Variants in KIFAP3 observed in about 807,000 individuals in gnomAD.
The protein encoded by KIFAP3 is kinesin-associated protein 3.
In KIFAP3, 68 loss-of-function variants were observed where a neutral mutation model predicts 106.5. That is an observed-to-expected ratio of 0.64 (90% confidence interval 0.53 to 0.78). The LOEUF (loss-of-function observed/expected upper bound fraction) is 0.78. KIFAP3 is among the 30% of genes least tolerant of loss of function. The pLI, the probability that KIFAP3 is intolerant of heterozygous loss-of-function variation, is 0.00. For missense variants in KIFAP3, 780 were observed against 941.8 expected (o/e 0.83, Z 2.25); for synonymous variants, 320 against 311.5 (o/e 1.03, Z -0.29).
At chr1:170,077,063 T>C (rs1409625599), upstream of KIFAP3, among the ~76,000 whole-genome samples, 2 of 152,150 alleles carry the variant, frequency 1.3e-5, no homozygotes, top group Admixed American at 6.6e-5. Flanking sequence ...ATCAGCACTC[T>C]GTACAAACGC....
At chr1:169,992,110 T>C in intron 11 of KIFAP3, 45 bp downstream of exon 11, 3 of 912,288 alleles carry the variant, frequency 3.3e-6, no homozygotes, top group Non-Finnish European at 4.7e-6. Context: ...GTAAAAAATA[T>C]ATATATTTGT....
At chr1:169,977,443 G>A (rs1666279495) in intron 16 of KIFAP3, among the ~76,000 whole-genome samples, 1 of 152,142 alleles carries the variant, frequency 6.6e-6, no homozygotes, top group African/African-American at 2.4e-5. Context: ...TACAAGGTAG[G>A]AGGTCTTTTT....
intron 1 of KIFAP3, among the ~76,000 whole-genome samples, chr1:170,084,197 T>C (rs1672066372): frequency 6.6e-6 from 1 of 152,204 alleles, no homozygotes; most frequent in Non-Finnish European, 1.5e-5. Context: ...CACAGTTTGT[T>C]CCATCAAGCA....
chr1:170,004,417 G>GA (rs1667835248), intron 10 of KIFAP3, among the ~76,000 whole-genome samples: 1 of 151,832 alleles, frequency 6.6e-6, no homozygotes, highest in South Asian at 2.1e-4. Flanking sequence ...TAAGCCAAAA[G>GA]AACAACGCTG....
At chr1:169,998,433 CACACCA>C (rs1416177626) in intron 10 of KIFAP3, among the ~76,000 whole-genome samples, 241 of 151,134 alleles carry the variant, frequency 1.6e-3, no homozygotes, top group African/African-American at 5.6e-3. Context: ...CACACACACA[CACACCA>C]CACACACTTT....
intron 19 of KIFAP3, among the ~76,000 whole-genome samples, chr1:169,938,595 A>T (rs1347703905): frequency 6.6e-6 from 1 of 152,152 alleles, no homozygotes; most frequent in East Asian, 1.9e-4. Flanking sequence ...TCTATTAAAC[A>T]AACGTCTATT....
chr1:170,041,824 T>C, intron 3 of KIFAP3: 1 of 1,480,546 alleles, frequency 6.8e-7, no homozygotes, highest in Non-Finnish European at 9.0e-7. Flanking sequence ...TCAGAAGTCC[T>C]GCTGACCCTT....
intron 9 of KIFAP3, among the ~76,000 whole-genome samples, chr1:170,021,434 G>GTTTTTT (rs746455008): frequency 8.8e-5 from 10 of 113,762 alleles, no homozygotes; most frequent in East Asian, 2.8e-4. Context: ...TTGTTATTAA[G>GTTTTTT]TTTTTTTTTT....
At chr1:170,053,552 C>CA (rs1055958247) in intron 2 of KIFAP3, among the ~76,000 whole-genome samples, 44 of 149,686 alleles carry the variant, frequency 2.9e-4, no homozygotes, top group South Asian at 1.9e-3. Context: ...CAAAACAAAA[C>CA]AAAAAAAAAC....
chr1:169,999,202 T>G (rs1309352642), intron 10 of KIFAP3, among the ~76,000 whole-genome samples: 2 of 152,074 alleles, frequency 1.3e-5, no homozygotes. Flanking sequence ...TCTTACAAAA[T>G]AAAGCTCAAG....
chr1:170,012,828 T>C (rs1276024239), intron 10 of KIFAP3, among the ~76,000 whole-genome samples: 2 of 152,124 alleles, frequency 1.3e-5, no homozygotes, highest in African/African-American at 4.8e-5. Context: ...ACATCTTACA[T>C]GGTGGCAGAC....
intron 2 of KIFAP3, among the ~76,000 whole-genome samples, chr1:170,050,888 C>T (rs985347120): frequency 2.6e-5 from 4 of 152,122 alleles, no homozygotes; most frequent in Non-Finnish European, 5.9e-5. Flanking sequence ...ACTGCAAAAA[C>T]ACACCAAAAT....
At chr1:169,994,681 T>C (rs1340871083) in intron 10 of KIFAP3, among the ~76,000 whole-genome samples, 1 of 152,030 alleles carries the variant, frequency 6.6e-6, no homozygotes, top group African/African-American at 2.4e-5. Context: ...AAATACATTT[T>C]ATTTATATGA....
intron 2 of KIFAP3, among the ~76,000 whole-genome samples, chr1:170,053,168 AC>A (rs1670661927): frequency 6.6e-6 from 1 of 152,192 alleles, no homozygotes; most frequent in Non-Finnish European, 1.5e-5. Context: ...AAATCCATGT[AC>A]AAAAATCACA....
intron 3 of KIFAP3, among the ~76,000 whole-genome samples, chr1:170,043,208 G>C (rs12128126): frequency 6.6e-6 from 1 of 152,158 alleles, no homozygotes; most frequent in Admixed American, 6.5e-5. Context: ...TGGATTATAA[G>C]AGTAACTAAT....
At chr1:169,938,235 A>G (rs1267808438) in intron 19 of KIFAP3, among the ~76,000 whole-genome samples, 1 of 151,990 alleles carries the variant, frequency 6.6e-6, no homozygotes, top group African/African-American at 2.4e-5. Context: ...TACACTACGA[A>G]TCCCTTAACT....
intron 17 of KIFAP3, among the ~76,000 whole-genome samples, chr1:169,968,781 T>G: frequency 6.6e-6 from 1 of 151,632 alleles, no homozygotes; most frequent in East Asian, 1.9e-4. Context: ...GAAATAATTT[T>G]TTTTCTTTCA....
intron 10 of KIFAP3, among the ~76,000 whole-genome samples, chr1:169,994,447 T>A (rs2101940966): frequency 6.6e-6 from 1 of 152,334 alleles, no homozygotes; most frequent in South Asian, 2.1e-4. Flanking sequence ...AAACATGTTT[T>A]AAAAATATAC....
At chr1:169,984,559 T>A (rs758805405) in intron 12 of KIFAP3, 23 bp downstream of exon 12, 1 of 1,220,020 alleles carries the variant, frequency 8.2e-7, no homozygotes, top group South Asian at 1.3e-5. Flanking sequence ...CTAAAAAAGT[T>A]ACCTACACTC....
Sources: gnomAD v4.1 joint callset for allele counts (sites outside exome capture counted in the v4.1 genomes callset) on GRCh38, gnomAD v4.1.1 for gene constraint, MANE v1.5 for transcripts, NCBI Gene and HGNC (gene_info 2026-07-23, HGNC 2026-07-21) for gene names.